GLS: variants seen among roughly 807,000 people sequenced by gnomAD.
GLS encodes the protein glutaminase kidney isoform, mitochondrial.
In GLS, 36 loss-of-function variants were observed where a neutral mutation model predicts 86.7. The ratio of observed to expected loss-of-function variants is 0.42; its 90% confidence interval spans 0.32 to 0.55. The LOEUF is 0.55. Ranked by LOEUF, GLS falls within the 20% of genes least tolerant of loss-of-function variation. GLS has a pLI of 0.17. For missense variants in GLS, 528 were observed against 833.4 expected, an observed-to-expected ratio of 0.63 and a Z score of 4.51; for synonymous variants, 317 against 305.9, an observed-to-expected ratio of 1.04 and a Z score of -0.38.
At chr2:190,937,316 ATTTT>A (rs1690299991) in intron 14 of GLS, among the ~76,000 whole-genome samples, 1 of 151,180 alleles carries the variant, frequency 6.6e-6, no homozygotes, top group Admixed American at 6.6e-5. Flanking sequence ...AAGTTCTTTT[ATTTT>A]ATACCCCAAC....
At chr2:190,939,845 C>T (rs1690376379) in intron 14 of GLS, among the ~76,000 whole-genome samples, 1 of 151,762 alleles carries the variant, frequency 6.6e-6, no homozygotes, top group Non-Finnish European at 1.5e-5. Context: ...TTTGTTCTTT[C>T]TCACAGTCAT....
In GLS at chr2:190,924,728, A is replaced by C; in HGVS notation, c.1248+135A>C. 1.6e-6 allele frequency: 1 copy of C among 607,406 alleles called. No homozygotes were observed. The highest frequency in any genetic ancestry group is 3.0e-6 in the Non-Finnish European group (1 of 333,238). 37.6% of individuals were successfully genotyped at this position (607,406 alleles called of 1,614,324 possible). ...TCAAGAGATAGAGGTCATCCTGGCC[A>C]ACATGGTGAAACCCCATCTCTACTA... On this transcript the variant is annotated intron_variant, in intron 11 of 17. Coordinates refer to ENST00000320717, the MANE Select transcript of GLS (RefSeq NM_014905.5). This position sits in a 1 kb window ranked among gnomAD's most constrained non-coding sequence, Gnocchi z 5.2.
Position 190,965,072 on chromosome 2 carries a change from G to GTAA in GLS, c.*2092_*2094dup. The GTAA allele has an allele frequency of 6.6e-6, 1 of 152,152 alleles. No individual in the cohort carries two copies. The highest frequency in any genetic ancestry group is 1.9e-4 in the East Asian group (1 of 5,198). The allele number at this position is 152,152 out of a possible 1,614,324, so 9.4% of individuals were successfully genotyped here. A position where few individuals can be genotyped will look rare whatever the true frequency, so the allele number is the denominator to read the frequency against. ...TGCTCGGGCTGTTTGCTGTTGGCTGGTAATAATATATTTGATTTAAATGCT... is the reference window on the plus strand; with the variant it reads ...TGCTCGGGCTGTTTGCTGTTGGCTGGTAATAATAATATATTTGATTTAAATGCT... On this transcript the variant is annotated 3_prime_UTR_variant, in exon 18 of 18. Transcript: ENST00000320717. The surrounding 1 kb of genome is among the most constrained non-coding windows in gnomAD (Gnocchi z 5.0).
intron 9 of GLS, among the ~76,000 whole-genome samples, chr2:190,922,553 G>A (rs2124898184): frequency 6.6e-6 from 1 of 152,106 alleles, no homozygotes; most frequent in East Asian, 1.9e-4. Flanking sequence ...CCCTCCTTAA[G>A]ACCTAGATGG....
chr2:190,949,307 T>A lies in GLS; in HGVS notation c.1651-4258T>A, dbSNP rs144995084. Among the ~76,000 whole-genome samples, 771 of 152,206 alleles carry A rather than the reference T, an allele frequency of 5.1e-3. 6 individuals carry two copies. Among genetic ancestry groups the A allele is most frequent in the African/African-American group, 0.018 (736 of 41,520 alleles). On this transcript the variant is annotated intron_variant, in intron 14 of 17. Coordinates refer to ENST00000320717, the MANE Select transcript of GLS (RefSeq NM_014905.5). The surrounding 1 kb of genome is among the most constrained non-coding windows in gnomAD (Gnocchi z 4.0). Reference sequence around the variant, plus strand: ...TTTTGAGAATATGATTAGAAGTATGTGGAGAGGTTTTGGAGGGTGGAAGAA... The same window carrying A: ...TTTTGAGAATATGATTAGAAGTATGAGGAGAGGTTTTGGAGGGTGGAAGAA...
Position 190,924,665 on chromosome 2 carries a change from C to A in GLS, c.1248+72C>A, listed in dbSNP as rs1469259928. 1 of 846,290 alleles carries A rather than the reference C, an allele frequency of 1.2e-6. No homozygotes were observed. Among genetic ancestry groups the A allele is most frequent in the Non-Finnish European group, 2.0e-6 (1 of 491,800 alleles). 52.4% of individuals were successfully genotyped at this position (846,290 alleles called of 1,614,324 possible). On this transcript the variant is annotated intron_variant, in intron 11 of 17. Coordinates refer to ENST00000320717, the MANE Select transcript of GLS (RefSeq NM_014905.5). This position sits in a 1 kb window ranked among gnomAD's most constrained non-coding sequence, Gnocchi z 5.2. ...GGCACGGTGGCTCACGCCTGTAATC[C>A]CAGCACTTTGGGAGGCCAGGGCAGG...
chr2:190,891,010 A>T (rs1459970732), intron 1 of GLS, among the ~76,000 whole-genome samples: 2 of 145,074 alleles, frequency 1.4e-5, no homozygotes, highest in Non-Finnish European at 3.0e-5. Flanking sequence ...TCCTCTGTTC[A>T]TTTTGTAGTT....
Position 190,930,685 on chromosome 2 carries a change from C to CA in GLS, c.1557+118dup. 1.1e-6 allele frequency: 1 copy of CA among 872,024 alleles called. No homozygotes were observed. The highest frequency in any genetic ancestry group is 1.7e-6 in the Non-Finnish European group (1 of 577,110). 54.0% of individuals were successfully genotyped at this position (872,024 alleles called of 1,614,324 possible). ...TCTTGGCCCTCCGCCTATAGTGTGC[C>CA]AGTTACTAGGGAGCCGTGGAAATAC... On this transcript the variant is annotated intron_variant, in intron 13 of 17. Coordinates refer to ENST00000320717, the MANE Select transcript of GLS (RefSeq NM_014905.5). This position sits in a 1 kb window ranked among gnomAD's most constrained non-coding sequence, Gnocchi z 5.0.
rs1042250979 is a variant in GLS, at chr2:190,962,205, G to A, written c.1854-625G>A. 3.3e-5 allele frequency among the ~76,000 whole-genome samples: 5 copies of A among 152,180 alleles called. No homozygotes were observed. The highest frequency in any genetic ancestry group is 5.9e-5 in the Non-Finnish European group (4 of 68,034). On this transcript the variant is annotated intron_variant, in intron 17 of 17. Transcript: ENST00000320717. This position sits in a 1 kb window ranked among gnomAD's most constrained non-coding sequence, Gnocchi z 4.2. ...CACAGCCCCAGAAGCATGGAAAGGG[G>A]AGTTATTAGTATGGAAAGGGGAGTT...
Position 190,880,924 on chromosome 2 carries a change from G to A in GLS, c.-161G>A. 1.0e-6 allele frequency: 1 copy of A among 958,032 alleles called. No homozygotes were observed. The highest frequency in any genetic ancestry group is 1.6e-6 in the Non-Finnish European group (1 of 631,904). The allele number at this position is 958,032 out of a possible 1,614,324, so 59.3% of individuals were successfully genotyped here. On this transcript the variant is annotated 5_prime_UTR_variant, in exon 1 of 18. Coordinates refer to ENST00000320717, the MANE Select transcript of GLS (RefSeq NM_014905.5). ...AGCAGCAGCAGCAGCAGCAGCACCC[G>A]CATCCGCTGCGGGAGTCCGAGCCGG...
intron 12 of GLS, among the ~76,000 whole-genome samples, chr2:190,929,653 G>A (rs1275578343): frequency 6.6e-6 from 1 of 151,688 alleles, no homozygotes; most frequent in Non-Finnish European, 1.5e-5. Context: ...TATTTTTTGT[G>A]GAGACGGAGT....
intron 1 of GLS, among the ~76,000 whole-genome samples, chr2:190,883,483 T>C (rs1258788607): frequency 6.6e-6 from 1 of 152,194 alleles, no homozygotes; most frequent in Non-Finnish European, 1.5e-5. Context: ...TTAAAAGAAA[T>C]AACCATGAGA....
At position 190,881,050 on chromosome 2, in the gene GLS, T is replaced by A. The variant is rs1199399248; in HGVS notation, c.-35T>A. 6.5e-7 allele frequency: 1 copy of A among 1,532,136 alleles called. No homozygotes were observed. The highest frequency in any genetic ancestry group is 8.7e-7 in the Non-Finnish European group (1 of 1,144,602). The allele number at this position is 1,532,136 out of a possible 1,614,324, so 94.9% of individuals were successfully genotyped here. A position where few individuals can be genotyped will look rare whatever the true frequency, so the allele number is the denominator to read the frequency against. Reference sequence around the variant, plus strand: ...CCGGCCGCCCACGCCCGGAGCATCCTCCCCTGTTGAGCGGGCGCTGACGGA... The same window carrying A: ...CCGGCCGCCCACGCCCGGAGCATCCACCCCTGTTGAGCGGGCGCTGACGGA... On this transcript the variant is annotated 5_prime_UTR_variant, in exon 1 of 18. Coordinates refer to ENST00000320717, the MANE Select transcript of GLS (RefSeq NM_014905.5).
chr2:190,922,215 G>A (rs1358637785), intron 9 of GLS, among the ~76,000 whole-genome samples: 4 of 152,144 alleles, frequency 2.6e-5, no homozygotes, highest in African/African-American at 2.4e-5. Flanking sequence ...GCAGCAGGCC[G>A]TATAGTGGAT....
intron 5 of GLS, 51 bp downstream of exon 5, chr2:190,902,077 A>G (rs753222270): frequency 5.9e-6 from 6 of 1,013,688 alleles, no homozygotes; most frequent in South Asian, 2.6e-5. Flanking sequence ...TAACTTTTGT[A>G]TAATGGTGAG....
At chr2:190,887,241 G>A (rs1402630027) in intron 1 of GLS, among the ~76,000 whole-genome samples, 1 of 152,122 alleles carries the variant, frequency 6.6e-6, no homozygotes, top group East Asian at 1.9e-4. Flanking sequence ...TGTTAGTACA[G>A]TTTTACCCTG....
chr2:190,933,955 T>C (rs1690190636), intron 14 of GLS: 1 of 926,086 alleles, frequency 1.1e-6, no homozygotes, highest in Non-Finnish European at 1.3e-6. Flanking sequence ...TCAAAACTTG[T>C]TTTTAAGAGA....
At position 190,917,256 on chromosome 2, in the gene GLS, G is replaced by A. The variant is rs551747132; in HGVS notation, c.1039-3768G>A. ...GATCTTCAGAGCATCTTTACCAGAA[G>A]TAGTTTTCATCTCAAGAAACCACTT... On this transcript the variant is annotated intron_variant, in intron 7 of 17. Coordinates refer to ENST00000320717, the MANE Select transcript of GLS (RefSeq NM_014905.5). Among the ~76,000 whole-genome samples the A allele has an allele frequency of 5.3e-5, 8 of 152,178 alleles. No individual in the cohort carries two copies. In the East Asian group the frequency reaches 1.5e-3, roughly 29 times the overall value.
intron 6 of GLS, among the ~76,000 whole-genome samples, chr2:190,906,480 A>C (rs1447203496): frequency 5.3e-5 from 8 of 152,228 alleles, no homozygotes; most frequent in Non-Finnish European, 1.0e-4. Context: ...GGAATCATGA[A>C]TTATTGATAC....
Sources: allele counts gnomAD v4.1 joint callset (sites outside exome capture counted in the v4.1 genomes callset), GRCh38; gene constraint gnomAD v4.1.1; non-coding constraint Gnocchi (gnomAD v3.1); transcripts MANE v1.5; gene names NCBI Gene and HGNC (gene_info 2026-07-23, HGNC 2026-07-21).